The following SORCS1 variants were observed in gnomAD, a reference collection of about 807,000 sequenced individuals.
The protein encoded by SORCS1 is sortilin related VPS10 domain containing receptor 1.
In SORCS1, 60 loss-of-function variants were observed where a neutral mutation model predicts 146.1. That is an observed-to-expected ratio of 0.41 (90% CI 0.33 to 0.51). The LOEUF (loss-of-function observed/expected upper bound fraction) is 0.51. Ranked by LOEUF, SORCS1 falls within the 20% of genes least tolerant of loss-of-function variation. SORCS1 has a pLI of 0.21. For missense variants in SORCS1, 1,352 were observed against 1,487.6 expected (o/e 0.91, Z 1.50); for synonymous variants, 637 against 584.0 (o/e 1.09, Z -1.31).
At chr10:107,001,614 C>T (rs1331592498) in intron 1 of SORCS1, among the ~76,000 whole-genome samples, 1 of 152,182 alleles carries the variant, frequency 6.6e-6, no homozygotes, top group Non-Finnish European at 1.5e-5. Flanking sequence ...CAGGCACGTG[C>T]CACCACACCC....
At chr10:106,850,540 C>A (rs375526856) in intron 2 of SORCS1, among the ~76,000 whole-genome samples, 2 of 152,128 alleles carry the variant, frequency 1.3e-5, no homozygotes, top group Admixed American at 6.5e-5. Flanking sequence ...AGAAATCACC[C>A]GTCTTCTGCG....
chr10:107,058,345 A>G (rs1461613547), intron 1 of SORCS1, among the ~76,000 whole-genome samples: 1 of 152,158 alleles, frequency 6.6e-6, no homozygotes, highest in African/African-American at 2.4e-5. Context: ...CTGGCCTAAA[A>G]TCAACTTTTA....
At chr10:106,662,913 A>G (rs2135391609) in intron 17 of SORCS1, among the ~76,000 whole-genome samples, 1 of 152,292 alleles carries the variant, frequency 6.6e-6, no homozygotes, top group East Asian at 1.9e-4. Context: ...GCAGGAAGCC[A>G]GTGTTTTAAC....
At chr10:106,864,403 T>C (rs1001344455) in intron 2 of SORCS1, among the ~76,000 whole-genome samples, 3 of 152,100 alleles carry the variant, frequency 2.0e-5, no homozygotes, top group African/African-American at 7.2e-5. Context: ...AAGATCCCCA[T>C]GTGAACCCAC....
At chr10:106,638,752 A>G (rs975603782) in intron 18 of SORCS1, among the ~76,000 whole-genome samples, 1 of 152,180 alleles carries the variant, frequency 6.6e-6, no homozygotes, top group African/African-American at 2.4e-5. Context: ...AATTTATTTT[A>G]AAGAGGTGCT....
chr10:106,962,464 C>T (rs928799294), intron 1 of SORCS1, among the ~76,000 whole-genome samples: 1 of 150,408 alleles, frequency 6.6e-6, no homozygotes, highest in African/African-American at 2.4e-5. Context: ...CTTCACTCTT[C>T]AATTAATAAT....
intron 17 of SORCS1, among the ~76,000 whole-genome samples, chr10:106,657,392 G>A (rs1025999425): frequency 6.6e-6 from 1 of 152,104 alleles, no homozygotes; most frequent in African/African-American, 2.4e-5. Flanking sequence ...ACCTATAAGT[G>A]GGAGCTAAGC....
chr10:106,682,374 C>T (rs971854186), intron 10 of SORCS1, among the ~76,000 whole-genome samples: 6 of 152,052 alleles, frequency 3.9e-5, no homozygotes, highest in Middle Eastern at 3.4e-3. Context: ...CTGGATTGCC[C>T]CCAGCTGGTA....
chr10:106,957,852 G>A (rs1436403662), intron 1 of SORCS1, among the ~76,000 whole-genome samples: 2 of 152,090 alleles, frequency 1.3e-5, no homozygotes, highest in Non-Finnish European at 2.9e-5. Context: ...AGAATTCAAC[G>A]AACATTTATT....
At chr10:106,896,216 G>A (rs192400099) in intron 2 of SORCS1, among the ~76,000 whole-genome samples, 179 of 152,154 alleles carry the variant, frequency 1.2e-3, no homozygotes, top group African/African-American at 4.1e-3. Flanking sequence ...ATCACCTGAA[G>A]TCAGGAGTTT....
intron 2 of SORCS1, among the ~76,000 whole-genome samples, chr10:106,905,501 C>A (rs563833435): frequency 1.4e-3 from 206 of 152,282 alleles, no homozygotes; most frequent in Non-Finnish European, 2.4e-3. Context: ...GAAAACTATT[C>A]TTTCCTCCTC....
intron 2 of SORCS1, among the ~76,000 whole-genome samples, chr10:106,951,371 A>G (rs1452898693): frequency 6.6e-6 from 1 of 152,026 alleles, no homozygotes; most frequent in Non-Finnish European, 1.5e-5. Context: ...TTAGCCAGGC[A>G]TGGTGGCGGG....
intron 3 of SORCS1, among the ~76,000 whole-genome samples, chr10:106,800,035 A>T (rs1484562460): frequency 1.3e-5 from 2 of 152,150 alleles, no homozygotes; most frequent in Middle Eastern, 3.2e-3. Context: ...GGTTATAGAG[A>T]TCAAGCAGGA....
intron 19 of SORCS1, among the ~76,000 whole-genome samples, chr10:106,626,739 G>A (rs1848137713): frequency 1.3e-5 from 2 of 152,172 alleles, no homozygotes. Context: ...TTAGGAGGGA[G>A]GCACTAACCA....
chr10:106,807,013 A>C (rs1447958352), intron 3 of SORCS1, among the ~76,000 whole-genome samples: 3 of 152,170 alleles, frequency 2.0e-5, no homozygotes, highest in Admixed American at 1.3e-4. Flanking sequence ...ACATATGTTC[A>C]CCATCCTACT....
chr10:106,714,475 G>C (rs1191055511), intron 6 of SORCS1, among the ~76,000 whole-genome samples: 3 of 152,062 alleles, frequency 2.0e-5, no homozygotes, highest in Admixed American at 6.6e-5. Context: ...TACATAAAAT[G>C]TTAACATTAG....
intron 2 of SORCS1, among the ~76,000 whole-genome samples, chr10:106,890,792 T>C (rs575266363): frequency 4.7e-5 from 7 of 149,114 alleles, no homozygotes; most frequent in South Asian, 4.2e-4. Context: ...CCATTTGTGG[T>C]TTTACATTTA....
At chr10:107,111,939 G>GA (rs1241234432) in intron 1 of SORCS1, among the ~76,000 whole-genome samples, 7 of 152,170 alleles carry the variant, frequency 4.6e-5, no homozygotes, top group African/African-American at 1.4e-4. Context: ...AATGTCAAAA[G>GA]AAAAACTGCC....
At chr10:107,176,423 C>T in the SORCS1 span, among the ~76,000 whole-genome samples, 3,134 of 151,562 alleles carry the variant, frequency 0.021, 48 homozygotes, top group Middle Eastern at 0.044. Flanking sequence ...GCAGCTTTGA[C>T]CTTCTGGACT....
Sources: allele counts gnomAD v4.1 joint callset (sites outside exome capture counted in the v4.1 genomes callset), GRCh38; gene constraint gnomAD v4.1.1; transcripts MANE v1.5; gene names NCBI Gene and HGNC (gene_info 2026-07-23, HGNC 2026-07-21).